The following PBXIP1 variants were observed in gnomAD, a reference collection of about 807,000 sequenced individuals.
PBXIP1 encodes the protein pre-B-cell leukemia transcription factor-interacting protein 1.
PBXIP1 carries 73 observed loss-of-function variants against 73.7 expected under a neutral mutation model. The ratio of observed to expected loss-of-function variants is 0.99; its 90% confidence interval spans 0.82 to 1.20. PBXIP1 has a LOEUF of 1.20. Among genes scored for constraint, PBXIP1 ranks in the 50% most tolerant of loss-of-function variants. PBXIP1 has a pLI of 0.00. For missense variants in PBXIP1, 818 were observed against 911.4 expected (o/e 0.90, Z 1.32); for synonymous variants, 330 against 366.9 (o/e 0.90, Z 1.15).
At chr1:154,946,881 A>G (rs192851983) in intron 9 of PBXIP1, 78 bp from the exon 10 acceptor site, 1 of 1,393,942 alleles carries the variant, frequency 7.2e-7, no homozygotes, top group Non-Finnish European at 9.7e-7. Flanking sequence ...CCCCAATTCC[A>G]TTCTATTATA....
chr1:154,954,278 C>T (rs1655104700), intron 1 of PBXIP1, among the ~76,000 whole-genome samples: 1 of 152,230 alleles, frequency 6.6e-6, no homozygotes. Flanking sequence ...ACTTGCCCAG[C>T]ATAAGTCCTT....
Position 154,945,016 on chromosome 1 carries a change from G to A in PBXIP1, c.*8C>T. The A allele has an allele frequency of 6.2e-7, 1 of 1,610,348 alleles. No individual in the cohort carries two copies. The highest frequency in any genetic ancestry group is 1.1e-5 in the South Asian group (1 of 90,998). On this transcript the variant is annotated 3_prime_UTR_variant, in exon 11 of 11. Transcript: ENST00000368463. ...CCAGGCCAAGGCCATTCCCTGTGGG[G>A]CAGGGTGTCAGCCCCGGTGGTGGTG...
At chr1:154,947,897 G>A (rs1276617258) in intron 7 of PBXIP1, 85 bp downstream of exon 7, 1 of 1,466,888 alleles carries the variant, frequency 6.8e-7, no homozygotes, top group South Asian at 1.1e-5. Context: ...AAATAAATGT[G>A]AGCCCCCAGC....
chr1:154,945,510 G>A, intron 10 of PBXIP1, 62 bp downstream of exon 10: 1 of 1,506,234 alleles, frequency 6.6e-7, no homozygotes, highest in South Asian at 1.2e-5. Flanking sequence ...AATGATCCTT[G>A]CTCTTCACAT....
At chr1:154,945,413 C>T (rs1311128846) in intron 10 of PBXIP1, among the ~76,000 whole-genome samples, 159 bp downstream of exon 10, 1 of 152,166 alleles carries the variant, frequency 6.6e-6, no homozygotes, top group Non-Finnish European at 1.5e-5. Flanking sequence ...CAGGCAGCTT[C>T]CTACCCTCAA....
In PBXIP1 at chr1:154,951,417, G is replaced by A; in HGVS notation, c.244-20C>T. On this transcript the variant is annotated intron_variant, in intron 4 of 10. Transcript: ENST00000368463. This position sits in a 1 kb window ranked among gnomAD's most constrained non-coding sequence, Gnocchi z 4.3. ...GGTGCCCTAATGCAGATGCAGCAGT[G>A]AGCAGCTGCTAGCCCTCCCCGCCTC... The A allele has an allele frequency of 6.2e-7, 1 of 1,613,766 alleles. No homozygotes were observed. The highest frequency in any genetic ancestry group is 8.5e-7 in the Non-Finnish European group (1 of 1,179,716).
At chr1:154,949,132 CTTCT>C (rs1454976632) in intron 5 of PBXIP1, among the ~76,000 whole-genome samples, 4 of 151,640 alleles carry the variant, frequency 2.6e-5, no homozygotes, top group Admixed American at 6.6e-5. Context: ...AGGTCTGCAT[CTTCT>C]TTCTTTTTTT....
Position 154,946,522 on chromosome 1 carries a change from C to G in PBXIP1, c.1152G>C (p.Lys384Asn). The G allele has an allele frequency of 3.1e-6, 5 of 1,611,006 alleles. No homozygotes were observed. Among genetic ancestry groups the G allele is most frequent in the Non-Finnish European group, 4.2e-6 (5 of 1,180,032 alleles). ...CCTGTGCCTCAGCCTCCAGCTGTTC[C>G]TTCTGCTTCAGGAAGCTGAGTTCTG... is the stretch of plus-strand genomic sequence containing the variant. Reference protein sequence around the residue: ...QEPELSFLKQKEQLEAEAQAL... With the variant: ...QEPELSFLKQNEQLEAEAQAL... Residue 384 changes from lysine to asparagine, a missense_variant, in exon 10 of 11, where the codon AAG (lysine) becomes AAC (asparagine). By Grantham distance (94) the Lys-to-Asn change is moderately conservative. Coordinates refer to ENST00000368463, the MANE Select transcript of PBXIP1 (RefSeq NM_020524.4).
At position 154,951,611 on chromosome 1, in the gene PBXIP1, G is replaced by T. The variant is rs570733240; in HGVS notation, c.179-76C>A. On this transcript the variant is annotated intron_variant, in intron 3 of 10. Coordinates refer to ENST00000368463, the MANE Select transcript of PBXIP1 (RefSeq NM_020524.4). The surrounding 1 kb of genome is among the most constrained non-coding windows in gnomAD (Gnocchi z 4.3). ...CTTTGCAGCCCTCTGTCCATCCCAC[G>T]GGCCCCTACCAGGTTGGAAGAGGCA... 30 of 1,504,690 alleles carry T rather than the reference G, an allele frequency of 2.0e-5. No homozygotes were observed. The African/African-American group carries it at 2.9e-4, about 14-fold the overall frequency. 93.2% of individuals were successfully genotyped at this position (1,504,690 alleles called of 1,614,324 possible).
rs995831567 is a variant in PBXIP1, at chr1:154,951,267, C to T, written c.374G>A (p.Ser125Asn). 3.1e-6 allele frequency: 5 copies of T among 1,614,008 alleles called. No individual in the cohort carries two copies. The African/African-American group carries it at 6.7e-5, about 22-fold the overall frequency. ...GPDTQDLEGQ[S>N]PPQSLPSTPK... ...GGTTGAAGGCAGGCTCTGTGGAGGGCTCTGGCCTTCCAGGTCCTGTGTGTC... is the reference window on the plus strand; with the variant it reads ...GGTTGAAGGCAGGCTCTGTGGAGGGTTCTGGCCTTCCAGGTCCTGTGTGTC... Residue 125 changes from serine (S) to asparagine (N), a missense_variant, in exon 5 of 11, where the codon AGC (serine) becomes AAC (asparagine). Transcript: ENST00000368463. This position sits in a 1 kb window ranked among gnomAD's most constrained non-coding sequence, Gnocchi z 4.3.
At chr1:154,952,258 GTGGGA>G (rs1655031285) in intron 2 of PBXIP1, among the ~76,000 whole-genome samples, 1 of 152,198 alleles carries the variant, frequency 6.6e-6, no homozygotes, top group Admixed American at 6.5e-5. Flanking sequence ...AATATTAAGG[GTGGGA>G]AGAAGGCAAG....
rs1465492645 is a variant in PBXIP1 at position 154,948,247 on chromosome 1, C to A, written c.529G>T (p.Ala177Ser). The change falls in exon 6 of 11, where the codon GCT (alanine) becomes TCT (serine). Residue 177 changes from alanine to serine, a missense_variant. Ala to Ser is a moderately conservative substitution (Grantham distance 99). Transcript: ENST00000368463. Reference protein sequence around the residue: ...AGPPQPMVPLAVENQAGGEGA... With the variant: ...AGPPQPMVPLSVENQAGGEGA... ...TCACCCCCAGCCTGGTTCTCCACAGCCAGGGGCACCATGGGCTGAGGTGGG... is the reference window on the plus strand; with the variant it reads ...TCACCCCCAGCCTGGTTCTCCACAGACAGGGGCACCATGGGCTGAGGTGGG... The A allele has an allele frequency of 2.5e-6, 4 of 1,612,200 alleles. No individual in the cohort carries two copies. The highest frequency in any genetic ancestry group is 1.3e-5 in the African/African-American group (1 of 74,916).
chr1:154,946,818 G>T lies in PBXIP1; in HGVS notation c.871-15C>A. ...TCCTTTTGGGCCTAGAATATGGTTTGGGACAAAGGAAGTCACAAAGAGTTC... is the reference window on the plus strand; with the variant it reads ...TCCTTTTGGGCCTAGAATATGGTTTTGGACAAAGGAAGTCACAAAGAGTTC... On this transcript the variant is annotated splice_polypyrimidine_tract_variant and intron_variant, in intron 9 of 10. Coordinates refer to ENST00000368463, the MANE Select transcript of PBXIP1 (RefSeq NM_020524.4). 6.6e-7 allele frequency: 1 copy of T among 1,514,284 alleles called. No individual in the cohort carries two copies. The allele number at this position is 1,514,284 out of a possible 1,614,324, so 93.8% of individuals were successfully genotyped here.
chr1:154,945,571 C>T lies in PBXIP1; in HGVS notation c.2102+1G>A. 6.2e-7 allele frequency: 1 copy of T among 1,610,094 alleles called. No homozygotes were observed. Among genetic ancestry groups the T allele is most frequent in the Non-Finnish European group, 8.5e-7 (1 of 1,176,804 alleles). On this transcript the variant is annotated splice_donor_variant, in intron 10 of 10. Coordinates refer to ENST00000368463, the MANE Select transcript of PBXIP1 (RefSeq NM_020524.4). LOFTEE classifies it high-confidence loss of function. ...GACCCAACTCCCCCACAGCTGCCCACCTCTTCTTCAGTGCTTTGTCTCCAA... is the reference window on the plus strand; with the variant it reads ...GACCCAACTCCCCCACAGCTGCCCATCTCTTCTTCAGTGCTTTGTCTCCAA...
intron 2 of PBXIP1, among the ~76,000 whole-genome samples, chr1:154,952,970 G>A (rs940894068): frequency 2.0e-5 from 3 of 152,136 alleles, no homozygotes; most frequent in African/African-American, 7.2e-5. Context: ...ATACAAAGTC[G>A]CTACGTCTTG....
rs527544153 is a variant in PBXIP1 at position 154,945,898 on chromosome 1, G to A, written c.1776C>T (p.Asp592=). The A allele has an allele frequency of 2.3e-5, 37 of 1,614,134 alleles. No homozygotes were observed. The Admixed American group carries it at 3.7e-4, about 16-fold the overall frequency. ...TCAGGCCCTCCTGCCGGGCACACTC[G>A]TCCACACCTGAGCAGCCCTGGGGTG... is the stretch of plus-strand genomic sequence containing the variant. The part of the protein sequence containing the change: ...YRAPQGCSGV[D]ECARQEGLTF... The change falls in exon 10 of 11, where the codon GAC becomes GAT. Residue 592 remains aspartate (D), a synonymous_variant. Transcript: ENST00000368463.
At chr1:154,952,001 T>C in intron 2 of PBXIP1, 80 bp from the exon 3 acceptor site, 2 of 1,492,058 alleles carry the variant, frequency 1.3e-6, no homozygotes, top group Non-Finnish European at 1.8e-6. Context: ...ACACATTCAG[T>C]CATGAGCTGG....
chr1:154,946,519 T>C lies in PBXIP1; in HGVS notation c.1155A>G (p.Glu385=). Residue 385 remains glutamate (E), a synonymous_variant, in exon 10 of 11, where the codon GAA becomes GAG. Transcript: ENST00000368463. Reference sequence around the variant, plus strand: ...ATGCCTGTGCCTCAGCCTCCAGCTGTTCCTTCTGCTTCAGGAAGCTGAGTT... The same window carrying C: ...ATGCCTGTGCCTCAGCCTCCAGCTGCTCCTTCTGCTTCAGGAAGCTGAGTT... ...EPELSFLKQK[E]QLEAEAQALR... is the part of the protein sequence containing the mutation. 6.2e-7 allele frequency: 1 copy of C among 1,610,752 alleles called. No homozygotes were observed. Among genetic ancestry groups the C allele is most frequent in the South Asian group, 1.1e-5 (1 of 91,090 alleles).
Position 154,948,299 on chromosome 1 carries a change from C to A in PBXIP1, c.477G>T (p.Leu159=), listed in dbSNP as rs758303148. Residue 159 remains leucine (L), a synonymous_variant, in exon 6 of 11, where the codon CTG becomes CTT. Coordinates refer to ENST00000368463, the MANE Select transcript of PBXIP1 (RefSeq NM_020524.4). ...DDDTDVDMEG[L]RRRRGREAGP... is the part of the protein sequence containing the mutation. ...CGGCCTCCCGGCCCCGCCGTCTCCG[C>A]AGACCCTCCATGTCCACGTCGGTGT... 5.6e-6 allele frequency: 9 copies of A among 1,611,284 alleles called. No individual in the cohort carries two copies. In the East Asian group the frequency reaches 2.0e-4, roughly 36 times the overall value.
Sources: allele counts gnomAD v4.1 joint callset (sites outside exome capture counted in the v4.1 genomes callset), GRCh38; gene constraint gnomAD v4.1.1; non-coding constraint Gnocchi (gnomAD v3.1); transcripts MANE v1.5; gene names NCBI Gene and HGNC (gene_info 2026-07-23, HGNC 2026-07-21).